The following TSC2 variants were observed in gnomAD, a reference collection of about 807,000 sequenced individuals.
TSC2 encodes tuberin.
TSC2 carries 29 observed loss-of-function variants against 202.2 expected under a neutral mutation model. The observed-to-expected ratio is 0.14, with a 90% CI of 0.11 to 0.20. TSC2 has a LOEUF of 0.20. TSC2 is among the 10% of genes least tolerant of loss of function. TSC2 has a pLI of 1.00. For synonymous variants in TSC2, 1,349 were observed against 1,044.0 expected, an observed-to-expected ratio of 1.29 and a Z score of -5.63; for missense variants, 2,429 against 2,420.0, an observed-to-expected ratio of 1.00 and a Z score of -0.08.
intron 22 of TSC2, 146 bp downstream of exon 22, chr16:2,074,535 G>A (rs1254945439): frequency 8.8e-6 from 9 of 1,022,286 alleles, no homozygotes; most frequent in Admixed American, 4.0e-5. Flanking sequence ...GTCTCTGCCC[G>A]GCTGCCATGA....
In TSC2 at chr16:2,081,572, C is replaced by T. The variant is rs763418082; in HGVS notation, c.3611-23C>T. On this transcript the variant is annotated intron_variant, in intron 30 of 41. Transcript: ENST00000219476. The stretch of plus-strand genomic sequence containing the variant: ...GTAAGGGGAGGTACTGGCCTCAGGC[C>T]AAAGGTGCTGCCGCCTCCGCAGGGA... The T allele has an allele frequency of 3.7e-6, 6 of 1,612,684 alleles. No homozygotes were observed. In the African/African-American group the frequency reaches 4.0e-5, roughly 11 times the overall value.
At chr16:2,076,429 C>A in intron 24 of TSC2, 62 bp from the exon 25 acceptor site, 1 of 1,606,396 alleles carries the variant, frequency 6.2e-7, no homozygotes, top group Non-Finnish European at 8.5e-7. Flanking sequence ...CCCGGCAGGC[C>A]TGGTGAGGGC....
At position 2,060,826 on chromosome 16, in the gene TSC2, C is replaced by T. The variant is rs2151139799; in HGVS notation, c.1119+13C>T. On this transcript the variant is annotated intron_variant, in intron 11 of 41. Transcript: ENST00000219476. ...TCAGCAGCTCCAGGTGGGGTGGGGG[C>T]AGGAGCTCCGGGGAGCACCGGGAAC... is the stretch of plus-strand genomic sequence containing the variant. 6.2e-7 allele frequency: 1 copy of T among 1,612,770 alleles called. No homozygotes were observed. Among genetic ancestry groups the T allele is most frequent in the Non-Finnish European group, 8.5e-7 (1 of 1,179,860 alleles).
chr16:2,055,918 C>T (rs567694036), intron 6 of TSC2: 167 of 520,370 alleles, frequency 3.2e-4, no homozygotes, highest in African/African-American at 2.8e-3. Flanking sequence ...AAGAGAAGTA[C>T]GTAGCTATCT....
In TSC2 at chr16:2,079,924, G is replaced by A. The variant is rs183124557; in HGVS notation, c.3398-241G>A. On this transcript the variant is annotated intron_variant, in intron 29 of 41. Coordinates refer to ENST00000219476, the MANE Select transcript of TSC2 (RefSeq NM_000548.5). The surrounding 1 kb of genome is among the most constrained non-coding windows in gnomAD (Gnocchi z 4.6). ...CGGGTTTTCAGCTCGGCTCAGTCCT[G>A]GAGCCCTTCTCTGCTCCAGCGAGCC... Among the ~76,000 whole-genome samples the A allele has an allele frequency of 6.6e-6, 1 of 152,330 alleles. No homozygotes were observed. Among genetic ancestry groups the A allele is most frequent in the East Asian group, 1.9e-4 (1 of 5,174 alleles).
rs748972223 is a variant in TSC2 at position 2,062,022 on chromosome 16, C to T, written c.1257+14C>T. 3.2e-5 allele frequency: 51 copies of T among 1,613,862 alleles called. No individual in the cohort carries two copies. In the Admixed American group the frequency reaches 6.7e-4, roughly 21 times the overall value. ...GACCAGAGGCCTGTGAGACCCCCTC[C>T]TGGGTGGGGCCTTTGGGCTTTGGCT... On this transcript the variant is annotated intron_variant, in intron 12 of 41. Transcript: ENST00000219476.
At chr16:2,056,149 G>T in intron 6 of TSC2, 47 bp from the exon 7 acceptor site, 2 of 1,611,486 alleles carry the variant, frequency 1.2e-6, no homozygotes, top group Non-Finnish European at 1.7e-6. Flanking sequence ...GTGGTGGCTC[G>T]GCCATCCAGG....
Position 2,056,226 on chromosome 16 carries a change from G to T in TSC2, c.630G>T (p.Ala210=). 6.2e-7 allele frequency: 1 copy of T among 1,614,014 alleles called. No individual in the cohort carries two copies. The highest frequency in any genetic ancestry group is 8.5e-7 in the Non-Finnish European group (1 of 1,180,026). ...TCTGTCTGCTGTGCGTCCGGACCGC[G>T]TCCTCTGTGGACATAGAGGTCAGTG... ...QMICLLCVRT[A]SSVDIEVSLQ... The change falls in exon 7 of 42, where the codon GCG becomes GCT. Residue 210 remains alanine (A), a synonymous_variant. Coordinates refer to ENST00000219476, the MANE Select transcript of TSC2 (RefSeq NM_000548.5).
chr16:2,083,474 C>T (rs965356961), intron 32 of TSC2: 5 of 745,658 alleles, frequency 6.7e-6, no homozygotes, highest in Non-Finnish European at 1.1e-5. Flanking sequence ...GCCTGCCCAA[C>T]CCCCGGGCAC....
At chr16:2,050,561 C>G (rs1288798651) in intron 3 of TSC2, 75 bp downstream of exon 3, 11 of 1,100,636 alleles carry the variant, frequency 1.0e-5, no homozygotes, top group African/African-American at 1.6e-5. Context: ...TTTTTAGGAA[C>G]ATGGTTGACA....
At chr16:2,083,886 G>C in intron 33 of TSC2, 70 bp downstream of exon 33, 1 of 1,551,976 alleles carries the variant, frequency 6.4e-7, no homozygotes, top group Non-Finnish European at 8.7e-7. Context: ...GGCTCTGCGT[G>C]GGTGTGCCTG....
chr16:2,070,626 T>C (rs1472534047), intron 17 of TSC2, 48 bp downstream of exon 17: 1 of 1,611,944 alleles, frequency 6.2e-7, no homozygotes, highest in East Asian at 2.2e-5. Context: ...CCCAGCCAGG[T>C]ATCCCCGTCT....
In TSC2 at chr16:2,088,117, G is replaced by A. The variant is rs45517395; in HGVS notation, c.5138G>A (p.Arg1713His). ...GACCGCAACCTGCCCTTCGTGGCCC[G>A]CCAGATGGCCCTGCACGCAAATGTG... ...VSDRNLPFVARQMALHANMAS... is the reference protein window; with the variant it reads ...VSDRNLPFVAHQMALHANMAS... Residue 1713 changes from arginine (R) to histidine (H), a missense_variant, in exon 40 of 42, where the codon CGC becomes CAC. Coordinates refer to ENST00000219476, the MANE Select transcript of TSC2 (RefSeq NM_000548.5). The A allele has an allele frequency of 2.5e-6, 4 of 1,612,788 alleles. No homozygotes were observed. The highest frequency in any genetic ancestry group is 1.7e-5 in the Admixed American group (1 of 60,004).
rs755747804 is a variant in TSC2 at position 2,086,716 on chromosome 16, C to T, written c.4850-16C>T. The stretch of plus-strand genomic sequence containing the variant: ...GCACTGGCCCCACAAACCCATCCGG[C>T]CCTGCTCACCCTCAGCCGTCTTCCA... On this transcript the variant is annotated splice_polypyrimidine_tract_variant and intron_variant, in intron 37 of 41. Transcript: ENST00000219476. The T allele has an allele frequency of 1.2e-6, 2 of 1,608,726 alleles. No individual in the cohort carries two copies. The highest frequency in any genetic ancestry group is 1.7e-6 in the Non-Finnish European group (2 of 1,179,916).
chr16:2,060,717 C>T lies in TSC2; in HGVS notation c.1023C>T (p.Ser341=), dbSNP rs2086525075. 6.2e-7 allele frequency: 1 copy of T among 1,614,112 alleles called. No individual in the cohort carries two copies. The highest frequency in any genetic ancestry group is 8.5e-7 in the Non-Finnish European group (1 of 1,180,020). The part of the protein sequence containing the change: ...NEVVSYEIVL[S]ITRLIKKYRK... Reference sequence around the variant, plus strand: ...TGGTGTCCTATGAGATCGTCCTGTCCATCACCAGGCTCATCAAGAAGTATA... The same window carrying T: ...TGGTGTCCTATGAGATCGTCCTGTCTATCACCAGGCTCATCAAGAAGTATA... Residue 341 remains serine, a synonymous_variant, in exon 11 of 42, where the codon TCC becomes TCT. Coordinates refer to ENST00000219476, the MANE Select transcript of TSC2 (RefSeq NM_000548.5).
rs893072428 is a variant in TSC2, at chr16:2,084,425, T to C, written c.4203T>C (p.Pro1401=). ...CTCTGCAGGACATCCTCGGGGACCC[T>C]GGGGACAAGGCCGACGTGGGCCGGC... is the stretch of plus-strand genomic sequence containing the variant. ...LQTLQDILGD[P]GDKADVGRLS... is the part of the protein sequence containing the mutation. The change falls in exon 34 of 42, where the codon CCT becomes CCC. Residue 1401 remains proline, a synonymous_variant. Coordinates refer to ENST00000219476, the MANE Select transcript of TSC2 (RefSeq NM_000548.5). 6.2e-7 allele frequency: 1 copy of C among 1,611,070 alleles called. No individual in the cohort carries two copies. Among genetic ancestry groups the C allele is most frequent in the African/African-American group, 1.3e-5 (1 of 74,980 alleles).
rs912027531 is a variant in TSC2 at position 2,082,713 on chromosome 16, C to T, written c.3883+209C>T. 1.1e-5 allele frequency: 7 copies of T among 647,526 alleles called. No individual in the cohort carries two copies. The African/African-American group carries it at 1.3e-4, about 12-fold the overall frequency. 40.1% of individuals were successfully genotyped at this position (647,526 alleles called of 1,614,324 possible). A position where few individuals can be genotyped will look rare whatever the true frequency, so the allele number is the denominator to read the frequency against. ...GACTTGGTCCCTTTGTGGCTGAGCC[C>T]TGTTCCCACGCTGTGCGAGCACTCC... On this transcript the variant is annotated intron_variant, in intron 32 of 41. Transcript: ENST00000219476.
At chr16:2,059,549 C>T (rs1404618087) in intron 10 of TSC2, among the ~76,000 whole-genome samples, 5 of 106,484 alleles carry the variant, frequency 4.7e-5, no homozygotes, top group East Asian at 3.1e-4. Context: ...GACAGAGTTT[C>T]GCTCTTATTG....
At position 2,088,472 on chromosome 16, in the gene TSC2, C is replaced by T. The variant is rs757204634; in HGVS notation, c.5286C>T (p.Asn1762=). Residue 1762 remains asparagine (N), a synonymous_variant, in exon 42 of 42, where the codon AAC becomes AAT. Transcript: ENST00000219476. ...QRICEEAAYS[N]PSLPLVHPPS... is the part of the protein sequence containing the mutation. ...TCTGCGAGGAAGCCGCCTACTCCAA[C>T]CCCAGCCTACCTCTGGTGCACCCTC... is the stretch of plus-strand genomic sequence containing the variant. 11 of 1,612,936 alleles carry T rather than the reference C, an allele frequency of 6.8e-6. No individual in the cohort carries two copies. Among genetic ancestry groups the T allele is most frequent in the Non-Finnish European group, 9.3e-6 (11 of 1,180,032 alleles).
Sources: gnomAD v4.1 joint callset for allele counts (sites outside exome capture counted in the v4.1 genomes callset) on GRCh38, gnomAD v4.1.1 for gene constraint, Gnocchi (gnomAD v3.1) non-coding constraint, MANE v1.5 for transcripts, NCBI Gene and HGNC (gene_info 2026-07-23, HGNC 2026-07-21) for gene names.